The following ATXN7L1 variants were observed in gnomAD, a reference collection of about 807,000 sequenced individuals.
The protein encoded by ATXN7L1 is ataxin 7 like 1.
In ATXN7L1, 15 loss-of-function variants were observed where a neutral mutation model predicts 70.8. The observed-to-expected ratio is 0.21, with a 90% CI of 0.14 to 0.33. The LOEUF (loss-of-function observed/expected upper bound fraction) is 0.33. ATXN7L1 is among the 10% of genes least tolerant of loss of function. ATXN7L1 has a pLI of 1.00. For missense variants in ATXN7L1, 975 were observed against 1,097.1 expected, an observed-to-expected ratio of 0.89 and a Z score of 1.57; for synonymous variants, 440 against 445.1, an observed-to-expected ratio of 0.99 and a Z score of 0.14.
chr7:105,782,613 C>A (rs566565725), intron 3 of ATXN7L1, among the ~76,000 whole-genome samples: 3 of 152,154 alleles, frequency 2.0e-5, no homozygotes, highest in African/African-American at 7.2e-5. Flanking sequence ...CAGCCCTGGG[C>A]GGGGGGCTCC....
chr7:105,703,172 C>A (rs1174489310), intron 3 of ATXN7L1, among the ~76,000 whole-genome samples: 1 of 151,954 alleles, frequency 6.6e-6, no homozygotes, highest in Admixed American at 6.6e-5. Context: ...GGCGTGGTGG[C>A]AGGTGCCTGT....
intron 2 of ATXN7L1, among the ~76,000 whole-genome samples, chr7:105,871,548 T>C (rs1818268461): frequency 6.6e-6 from 1 of 151,994 alleles, no homozygotes; most frequent in South Asian, 2.1e-4. Context: ...CCATCTCTAC[T>C]AAATATACAA....
chr7:105,856,055 C>T (rs1042254186), intron 2 of ATXN7L1, among the ~76,000 whole-genome samples: 1 of 152,104 alleles, frequency 6.6e-6, no homozygotes, highest in African/African-American at 2.4e-5. Flanking sequence ...TACTTGAAAA[C>T]CATTATTCAG....
intron 3 of ATXN7L1, among the ~76,000 whole-genome samples, chr7:105,747,223 G>A (rs963326874): frequency 1.3e-5 from 2 of 152,180 alleles, no homozygotes; most frequent in Non-Finnish European, 2.9e-5. Flanking sequence ...AGCTCCACCT[G>A]CCAACCTCTG....
chr7:105,614,153 C>G lies in ATXN7L1; in HGVS notation c.2181G>C (p.Ala727=), dbSNP rs935045136. Residue 727 remains alanine (A), a synonymous_variant, in exon 10 of 12, where the codon GCG becomes GCC. Transcript: ENST00000419735. This position sits in a 1 kb window ranked among gnomAD's most constrained non-coding sequence, Gnocchi z 4.3. ...CCGCGCCCACCTGTCTCACTATGTCCGCGGGGCCGCCGGGCAGCGAGGTCC... is the reference window on the plus strand; with the variant it reads ...CCGCGCCCACCTGTCTCACTATGTCGGCGGGGCCGCCGGGCAGCGAGGTCC... ...SGRTSLPGGP[A]DIVRQVGAVG... is the part of the protein sequence containing the mutation. The G allele has an allele frequency of 3.2e-6, 5 of 1,551,528 alleles. No homozygotes were observed. The Admixed American group carries it at 7.8e-5, about 24-fold the overall frequency.
At chr7:105,841,526 G>C (rs1435702148) in intron 2 of ATXN7L1, among the ~76,000 whole-genome samples, 2 of 152,084 alleles carry the variant, frequency 1.3e-5, no homozygotes, top group Non-Finnish European at 2.9e-5. Flanking sequence ...CATCCCACCT[G>C]GGATATGAAT....
At chr7:105,673,214 C>T (rs968621860) in intron 3 of ATXN7L1, among the ~76,000 whole-genome samples, 7 of 152,236 alleles carry the variant, frequency 4.6e-5, no homozygotes, top group Admixed American at 1.3e-4. Flanking sequence ...CTTCCCCATA[C>T]GCTTATTCAT....
intron 2 of ATXN7L1, among the ~76,000 whole-genome samples, chr7:105,827,115 A>AC (rs915942327): frequency 6.6e-6 from 1 of 152,036 alleles, no homozygotes; most frequent in Admixed American, 6.6e-5. Context: ...AAGGATGGGG[A>AC]CTCTGTCTTT....
chr7:105,854,979 G>A (rs1330148885), intron 2 of ATXN7L1, among the ~76,000 whole-genome samples: 2 of 142,930 alleles, frequency 1.4e-5, no homozygotes, highest in Non-Finnish European at 3.0e-5. Context: ...TTTTTGAGAT[G>A]GAGTCTCACC....
At chr7:105,770,633 T>C (rs1801855488) in intron 3 of ATXN7L1, among the ~76,000 whole-genome samples, 1 of 152,118 alleles carries the variant, frequency 6.6e-6, no homozygotes, top group Non-Finnish European at 1.5e-5. Context: ...CACAGAGCAC[T>C]GAATGACCAC....
Position 105,614,452 on chromosome 7 carries a change from T to C in ATXN7L1, c.1882A>G (p.Lys628Glu), listed in dbSNP as rs1187836078. The change falls in exon 10 of 12, where the codon AAA becomes GAA. Residue 628 changes from lysine (K) to glutamate (E), a missense_variant. This residue lies in a region of ATXN7L1 where 635 missense variants were observed against 699.4 expected (regional missense o/e 0.91). Transcript: ENST00000419735. The surrounding 1 kb of genome is among the most constrained non-coding windows in gnomAD (Gnocchi z 4.3). Reference sequence around the variant, plus strand: ...CTACGGGTGGACAGGTCTTTGACTTTTGAGGATTTGCTGGTTTTGGTTTTG... The same window carrying C: ...CTACGGGTGGACAGGTCTTTGACTTCTGAGGATTTGCTGGTTTTGGTTTTG... Reference protein sequence around the residue: ...PSKTKTSKSSKVKDLSTRSDE... With the variant: ...PSKTKTSKSSEVKDLSTRSDE... 3.2e-6 allele frequency: 5 copies of C among 1,541,670 alleles called. No individual in the cohort carries two copies. Among genetic ancestry groups the C allele is most frequent in the Non-Finnish European group, 4.4e-6 (5 of 1,141,322 alleles).
intron 2 of ATXN7L1, among the ~76,000 whole-genome samples, chr7:105,795,469 G>T (rs1805851606): frequency 6.6e-6 from 1 of 152,204 alleles, no homozygotes; most frequent in South Asian, 2.1e-4. Context: ...AAGACAGCTG[G>T]TTTTGTGGAT....
intron 3 of ATXN7L1, among the ~76,000 whole-genome samples, chr7:105,772,542 T>G (rs1802161587): frequency 6.6e-6 from 1 of 152,132 alleles, no homozygotes; most frequent in African/African-American, 2.4e-5. Flanking sequence ...AAATAGAACC[T>G]AAGGCAAAAG....
intron 2 of ATXN7L1, among the ~76,000 whole-genome samples, chr7:105,854,052 C>T (rs954290761): frequency 6.6e-6 from 1 of 152,124 alleles, no homozygotes; most frequent in Non-Finnish European, 1.5e-5. Context: ...TCATCCTGGC[C>T]GTTCCCTCCA....
chr7:105,637,902 G>A (rs1182538660), intron 7 of ATXN7L1, among the ~76,000 whole-genome samples: 1 of 152,148 alleles, frequency 6.6e-6, no homozygotes, highest in African/African-American at 2.4e-5. Flanking sequence ...TGCAGTGAGC[G>A]TCTAAGAGGT....
intron 3 of ATXN7L1, among the ~76,000 whole-genome samples, chr7:105,668,461 G>A (rs772014134): frequency 6.6e-6 from 1 of 152,048 alleles, no homozygotes; most frequent in Non-Finnish European, 1.5e-5. Flanking sequence ...GCAGTGGCAG[G>A]ATCTCATCTC....
chr7:105,635,647 T>A (rs972278319), intron 7 of ATXN7L1, among the ~76,000 whole-genome samples: 5 of 152,226 alleles, frequency 3.3e-5, no homozygotes, highest in Non-Finnish European at 5.9e-5. Flanking sequence ...TAACTTTAAC[T>A]TTTCTAATTC....
At position 105,853,636 on chromosome 7, in the gene ATXN7L1, C is replaced by T. The variant is rs1048968663; in HGVS notation, c.250+22176G>A. Among the ~76,000 whole-genome samples, 6 of 149,124 alleles carry T rather than the reference C, an allele frequency of 4.0e-5. No individual in the cohort carries two copies. The South Asian group carries it at 6.4e-4, about 16-fold the overall frequency. On this transcript the variant is annotated intron_variant, in intron 2 of 11. Transcript: ENST00000419735. The stretch of plus-strand genomic sequence containing the variant: ...AAAATGAGCTGGGCGTGGTGGTGGG[C>T]GCCTGTAATCCCAGTTACTCGGGAG...
chr7:105,688,810 A>C (rs2116187647), intron 3 of ATXN7L1, among the ~76,000 whole-genome samples: 1 of 152,328 alleles, frequency 6.6e-6, no homozygotes, highest in East Asian at 1.9e-4. Flanking sequence ...AAGTACACGG[A>C]GCAGGTGTGA....
Sources: allele counts gnomAD v4.1 joint callset (sites outside exome capture counted in the v4.1 genomes callset), GRCh38; gene constraint gnomAD v4.1.1; regional missense constraint gnomAD v4.1.1; non-coding constraint Gnocchi (gnomAD v3.1); transcripts MANE v1.5; gene names NCBI Gene and HGNC (gene_info 2026-07-23, HGNC 2026-07-21).